The following PIK3C2G variants were observed in gnomAD, a reference collection of about 807,000 sequenced individuals.
PIK3C2G encodes the protein phosphatidylinositol-4-phosphate 3-kinase catalytic subunit type 2 gamma.
In PIK3C2G, 168 loss-of-function variants were observed where a neutral mutation model predicts 181.1. The ratio of observed to expected loss-of-function variants is 0.93; its 90% CI spans 0.82 to 1.05. The LOEUF is 1.05. Ranked by LOEUF, PIK3C2G falls within the 50% of genes least tolerant of loss-of-function variation. The pLI is 0.00. For synonymous variants in PIK3C2G, 573 were observed against 592.2 expected (o/e 0.97, Z 0.47); for missense variants, 1,869 against 1,732.8 (o/e 1.08, Z -1.40).
intron 19 of PIK3C2G, among the ~76,000 whole-genome samples, chr12:18,490,061 T>C (rs1225284481): frequency 6.6e-6 from 1 of 152,146 alleles, no homozygotes; most frequent in Non-Finnish European, 1.5e-5. Flanking sequence ...AAATTTAAGT[T>C]CCTAATGGCT....
chr12:18,373,970 C>T (rs540691777), intron 13 of PIK3C2G, among the ~76,000 whole-genome samples: 50 of 152,250 alleles, frequency 3.3e-4, no homozygotes, highest in Admixed American at 1.6e-3. Flanking sequence ...CACAATGTAG[C>T]GAGAAAGTGT....
chr12:18,590,929 A>G (rs1285765822), intron 29 of PIK3C2G, among the ~76,000 whole-genome samples: 1 of 151,920 alleles, frequency 6.6e-6, no homozygotes, highest in Non-Finnish European at 1.5e-5. Context: ...ATTAGCTAGT[A>G]GTGACATTTC....
At chr12:18,325,562 G>T (rs1366785371) in intron 8 of PIK3C2G, among the ~76,000 whole-genome samples, 1 of 152,014 alleles carries the variant, frequency 6.6e-6, no homozygotes, top group African/African-American at 2.4e-5. Flanking sequence ...ACAAAAATTA[G>T]CTGGGCGTGG....
intron 19 of PIK3C2G, among the ~76,000 whole-genome samples, chr12:18,490,351 T>C (rs1940442859): frequency 6.6e-6 from 1 of 152,188 alleles, no homozygotes; most frequent in Admixed American, 6.5e-5. Flanking sequence ...ATTATTAATA[T>C]GATATCCTTG....
intron 31 of PIK3C2G, among the ~76,000 whole-genome samples, chr12:18,613,991 T>A (rs911209531): frequency 6.6e-6 from 1 of 152,128 alleles, no homozygotes; most frequent in Admixed American, 6.6e-5. Context: ...CATATCTTTT[T>A]AAAATTAACT....
chr12:18,610,542 C>G (rs189635939), intron 31 of PIK3C2G, among the ~76,000 whole-genome samples: 48 of 152,226 alleles, frequency 3.2e-4, no homozygotes, highest in Admixed American at 2.7e-3. Flanking sequence ...GGCGTGTTTG[C>G]AAACCTCTGG....
intron 16 of PIK3C2G, among the ~76,000 whole-genome samples, chr12:18,412,679 AT>A (rs1944932341): frequency 6.6e-6 from 1 of 152,212 alleles, no homozygotes; most frequent in Non-Finnish European, 1.5e-5. Context: ...TCCTGAATTT[AT>A]TTCTAATATA....
the PIK3C2G span, chr12:18,701,667 T>G: frequency 1.9e-6 from 3 of 1,605,678 alleles, no homozygotes; most frequent in Non-Finnish European, 2.6e-6. Flanking sequence ...ATCTGCCACT[T>G]CTTCTTCCCA....
chr12:18,597,268 T>C (rs1351323161), intron 30 of PIK3C2G, among the ~76,000 whole-genome samples: 1 of 151,966 alleles, frequency 6.6e-6, no homozygotes, highest in African/African-American at 2.4e-5. Flanking sequence ...TTCACCTTTA[T>C]CTTTATCCAC....
At chr12:18,427,807 C>T (rs570996246) in intron 18 of PIK3C2G, among the ~76,000 whole-genome samples, 4 of 151,420 alleles carry the variant, frequency 2.6e-5, no homozygotes, top group African/African-American at 9.7e-5. Flanking sequence ...GCCCATTTTT[C>T]CTTTCAGTGA....
chr12:18,597,524 T>A (rs1483898743), intron 30 of PIK3C2G, among the ~76,000 whole-genome samples: 1 of 152,144 alleles, frequency 6.6e-6, no homozygotes, highest in Non-Finnish European at 1.5e-5. Context: ...ATTAAGGAAG[T>A]TGTTTTCCAA....
intron 10 of PIK3C2G, 25 bp from the exon 11 acceptor site, chr12:18,346,616 T>A: frequency 2.0e-6 from 3 of 1,471,820 alleles, no homozygotes; most frequent in Non-Finnish European, 2.8e-6. Flanking sequence ...TCTTAGTGAC[T>A]TGATCTCTAT....
intron 2 of PIK3C2G, among the ~76,000 whole-genome samples, chr12:18,284,944 G>A (rs1949379237): frequency 1.3e-5 from 2 of 151,898 alleles, no homozygotes; most frequent in Admixed American, 1.3e-4. Flanking sequence ...AAAATAGGGA[G>A]CAAAATTAAT....
At chr12:18,663,680 G>T in the PIK3C2G span, among the ~76,000 whole-genome samples, 1 of 151,914 alleles carries the variant, frequency 6.6e-6, no homozygotes, top group Non-Finnish European at 1.5e-5. Context: ...TTATGATGTT[G>T]GATTTGGCAA....
chr12:18,419,815 G>T (rs118086989), intron 16 of PIK3C2G, among the ~76,000 whole-genome samples: 4 of 152,220 alleles, frequency 2.6e-5, no homozygotes, highest in Non-Finnish European at 5.9e-5. Context: ...ATTTGAAGCT[G>T]CCATCAAGGA....
chr12:18,396,297 A>C (rs1004062524), intron 15 of PIK3C2G, among the ~76,000 whole-genome samples: 1 of 151,700 alleles, frequency 6.6e-6, no homozygotes, highest in African/African-American at 2.4e-5. Flanking sequence ...CTAGGAAAAA[A>C]AGTGGTAAAG....
At chr12:18,587,116 A>G (rs1251198072) in intron 29 of PIK3C2G, among the ~76,000 whole-genome samples, 2 of 152,182 alleles carry the variant, frequency 1.3e-5, no homozygotes, top group Non-Finnish European at 2.9e-5. Context: ...AATGGACAAA[A>G]GCTGGAAGCA....
chr12:18,486,847 A>C (rs1282066784), intron 18 of PIK3C2G, among the ~76,000 whole-genome samples: 2 of 152,192 alleles, frequency 1.3e-5, no homozygotes, highest in African/African-American at 4.8e-5. Flanking sequence ...TTCTGCAAAA[A>C]ACATCTTCAA....
chr12:18,384,176 A>G (rs1333767802), intron 14 of PIK3C2G, among the ~76,000 whole-genome samples: 1 of 152,054 alleles, frequency 6.6e-6, no homozygotes, highest in Non-Finnish European at 1.5e-5. Context: ...CATAGGGCCA[A>G]AAACTAAGAA....
Sources: gnomAD v4.1 joint callset for allele counts (sites outside exome capture counted in the v4.1 genomes callset) on GRCh38, gnomAD v4.1.1 for gene constraint, MANE v1.5 for transcripts, NCBI Gene and HGNC (gene_info 2026-07-23, HGNC 2026-07-21) for gene names.